Variants in RNF220 observed in about 807,000 individuals in gnomAD.
The protein encoded by RNF220 is ring finger protein 220.
In RNF220, 7 loss-of-function variants were observed where a neutral mutation model predicts 67.1. The ratio of observed to expected loss-of-function variants is 0.10; its 90% CI spans 0.06 to 0.20. The LOEUF is 0.20. Among genes scored for constraint, RNF220 ranks in the 10% least tolerant of loss-of-function variants. RNF220 has a pLI of 1.00. For missense variants in RNF220, 565 were observed against 740.3 expected (o/e 0.76, Z 2.75); for synonymous variants, 270 against 283.2 (o/e 0.95, Z 0.47).
chr1:44,424,044 G>A lies in RNF220; in HGVS notation c.625+11322G>A, dbSNP rs562996985. The A allele has an allele frequency of 4.1e-6, 4 of 984,340 alleles. No individual in the cohort carries two copies. The South Asian group carries it at 1.9e-4, about 46-fold the overall frequency. 61.0% of individuals were successfully genotyped at this position (984,340 alleles called of 1,614,324 possible). Reference sequence around the variant, plus strand: ...CTCTACATCCACGAACATTTCCTGAGCTCCTGTGTGTAGAGCGTTGTGCTC... The same window carrying A: ...CTCTACATCCACGAACATTTCCTGAACTCCTGTGTGTAGAGCGTTGTGCTC... On this transcript the variant is annotated intron_variant, in intron 2 of 14. Transcript: ENST00000361799.
At chr1:44,567,298 T>C (rs1664096035) in intron 2 of RNF220, among the ~76,000 whole-genome samples, 1 of 151,922 alleles carries the variant, frequency 6.6e-6, no homozygotes, top group Non-Finnish European at 1.5e-5. Context: ...ACCCAGCTGT[T>C]GGGGATTAGA....
chr1:44,487,418 G>C (rs1656410515), intron 2 of RNF220, among the ~76,000 whole-genome samples: 1 of 151,500 alleles, frequency 6.6e-6, no homozygotes. Flanking sequence ...ACAGAAGTAA[G>C]GACTATACCC....
chr1:44,406,332 C>G (rs79123747), intron 1 of RNF220, among the ~76,000 whole-genome samples: 16 of 152,128 alleles, frequency 1.1e-4, no homozygotes, highest in Non-Finnish European at 1.8e-4. Flanking sequence ...GTAAACTCCC[C>G]ACTCCTCTGG....
chr1:44,591,455 A>G (rs574512475), intron 2 of RNF220, among the ~76,000 whole-genome samples: 29 of 152,332 alleles, frequency 1.9e-4, no homozygotes, highest in Admixed American at 1.7e-3. Flanking sequence ...GGACTTAGGT[A>G]TCTTGCTTGA....
At chr1:44,410,806 T>A (rs2147800620) in intron 1 of RNF220, 1 of 152,342 alleles carries the variant, frequency 6.6e-6, no homozygotes, top group Middle Eastern at 3.4e-3. Context: ...AAGTTTCTAT[T>A]TCGTGTATAT....
chr1:44,542,710 C>T (rs1305541184), intron 2 of RNF220, among the ~76,000 whole-genome samples: 8 of 152,166 alleles, frequency 5.3e-5, no homozygotes, highest in Non-Finnish European at 8.8e-5. Flanking sequence ...CTGCCCAGGC[C>T]CCTGCCCCAC....
intron 2 of RNF220, among the ~76,000 whole-genome samples, chr1:44,456,171 GTTTAA>G (rs1270102853): frequency 3.9e-5 from 6 of 152,314 alleles, no homozygotes; most frequent in African/African-American, 9.6e-5. Context: ...CTCTGGAGGT[GTTTAA>G]TTTAAGAGAG....
At chr1:44,448,642 A>G (rs924390287) in intron 2 of RNF220, among the ~76,000 whole-genome samples, 3 of 152,246 alleles carry the variant, frequency 2.0e-5, no homozygotes, top group African/African-American at 7.2e-5. Flanking sequence ...GAGATTTAGG[A>G]AACTTCTCAA....
At chr1:44,533,651 T>A (rs923424769) in intron 2 of RNF220, among the ~76,000 whole-genome samples, 4 of 152,116 alleles carry the variant, frequency 2.6e-5, no homozygotes, top group African/African-American at 9.7e-5. Context: ...GTTCAAAAGC[T>A]ATTGATTGAC....
intron 2 of RNF220, among the ~76,000 whole-genome samples, chr1:44,484,500 A>AGG (rs1656106142): frequency 6.6e-6 from 1 of 152,172 alleles, no homozygotes; most frequent in Non-Finnish European, 1.5e-5. Flanking sequence ...CAACAGCCAC[A>AGG]GGATCCCCCT....
chr1:44,453,074 A>AG (rs1197671020), intron 2 of RNF220, among the ~76,000 whole-genome samples: 8 of 152,066 alleles, frequency 5.3e-5, no homozygotes, highest in African/African-American at 1.9e-4. Flanking sequence ...TGTATTTTAC[A>AG]GTTTGCTTGC....
At chr1:44,540,838 G>A (rs1467733381) in intron 2 of RNF220, among the ~76,000 whole-genome samples, 4 of 152,252 alleles carry the variant, frequency 2.6e-5, no homozygotes, top group South Asian at 2.1e-4. Flanking sequence ...GACCAAGAAA[G>A]ACCAAACTTT....
chr1:44,584,087 G>A (rs1665514588), intron 2 of RNF220, among the ~76,000 whole-genome samples: 1 of 152,220 alleles, frequency 6.6e-6, no homozygotes, highest in African/African-American at 2.4e-5. Context: ...GGCTCAGAGA[G>A]GTTAAATGAC....
chr1:44,492,910 C>T (rs1656980098), intron 2 of RNF220, among the ~76,000 whole-genome samples: 1 of 151,798 alleles, frequency 6.6e-6, no homozygotes. Context: ...CTGAAATGCT[C>T]CAAAATCTGA....
intron 3 of RNF220, among the ~76,000 whole-genome samples, chr1:44,619,434 A>G (rs554044872): frequency 1.3e-5 from 2 of 152,190 alleles, no homozygotes; most frequent in Admixed American, 6.5e-5. Context: ...TGGTTGGGTA[A>G]TGAACTAGAT....
chr1:44,623,877 A>G (rs1267198205), intron 4 of RNF220, among the ~76,000 whole-genome samples: 4 of 152,196 alleles, frequency 2.6e-5, no homozygotes, highest in Non-Finnish European at 5.9e-5. Flanking sequence ...CAAACAGGGA[A>G]AGACTGGAGA....
At chr1:44,436,859 C>T (rs72893870) in intron 2 of RNF220, among the ~76,000 whole-genome samples, 5,066 of 152,250 alleles carry the variant, frequency 0.033, 287 homozygotes, top group African/African-American at 0.12. Flanking sequence ...TTACCCCTGG[C>T]ACCTCCCTGG....
chr1:44,427,877 A>G (rs1299176338), intron 2 of RNF220, among the ~76,000 whole-genome samples: 2 of 152,222 alleles, frequency 1.3e-5, no homozygotes, highest in African/African-American at 2.4e-5. Context: ...GGGGTTGGGC[A>G]CAGATTTGAG....
chr1:44,457,293 A>G (rs1244788524), intron 2 of RNF220, among the ~76,000 whole-genome samples: 1 of 152,206 alleles, frequency 6.6e-6, no homozygotes, highest in Non-Finnish European at 1.5e-5. Flanking sequence ...ACATCATTTT[A>G]TATATATTAT....
Sources: gnomAD v4.1 joint callset for allele counts (sites outside exome capture counted in the v4.1 genomes callset) on GRCh38, gnomAD v4.1.1 for gene constraint, MANE v1.5 for transcripts, NCBI Gene and HGNC (gene_info 2026-07-23, HGNC 2026-07-21) for gene names.